Variants in ZFX observed in about 807,000 individuals in gnomAD.
ZFX encodes the protein zinc finger protein X-linked.
For missense variants in ZFX, 362 were observed against 628.3 expected, an observed-to-expected ratio of 0.58 and a Z score of 4.53; for synonymous variants, 196 against 226.8, an observed-to-expected ratio of 0.86 and a Z score of 1.22.
At chrX:24,204,095 T>C (rs965769484) in intron 5 of ZFX, among the ~76,000 whole-genome samples, 1 of 112,451 alleles carries the variant, frequency 8.9e-6, no homozygotes, top group Non-Finnish European at 1.9e-5. Context: ...ATATCAAAAA[T>C]AGACCAAAAC....
At chrX:24,173,546 G>T (rs1601853862) in intron 4 of ZFX, 9 of 1,119,175 alleles carry the variant, frequency 8.0e-6, no homozygotes, top group African/African-American at 7.4e-5. Flanking sequence ...ATTACCCATG[G>T]TTATAATTAT....
chrX:24,149,296 G>C (rs1931662432), upstream of ZFX: 1 of 109,783 alleles, frequency 9.1e-6, no homozygotes, highest in Admixed American at 9.5e-5. Flanking sequence ...CGCGGCCCAC[G>C]GGACATGGTG....
chrX:24,215,615 C>G lies in ZFX; in HGVS notation c.*4239C>G, dbSNP rs759923611. 8.9e-6 allele frequency: 1 copy of G among 111,737 alleles called. No individual in the cohort carries two copies. The highest frequency in any genetic ancestry group is 1.9e-5 in the Non-Finnish European group (1 of 53,160). 9.2% of individuals were successfully genotyped at this position (111,737 alleles called of 1,213,427 possible). A position where few individuals can be genotyped will look rare whatever the true frequency, so the allele number is the denominator to read the frequency against. ...GTGGTAGATAAGAAAGAAATTATCA[C>G]AAAAAATCAGAAATGAACAGTGAGA... On this transcript the variant is annotated 3_prime_UTR_variant, in exon 10 of 10. Transcript: ENST00000304543.
At chrX:24,192,192 T>G (rs963072867) in intron 5 of ZFX, among the ~76,000 whole-genome samples, 5 of 112,014 alleles carry the variant, frequency 4.5e-5, no homozygotes, top group Non-Finnish European at 7.5e-5. Flanking sequence ...GAACCTAATT[T>G]TATCTTAGCA....
At chrX:24,201,356 T>C (rs1265352545) in intron 5 of ZFX, among the ~76,000 whole-genome samples, 1 of 112,845 alleles carries the variant, frequency 8.9e-6, no homozygotes, top group Non-Finnish European at 1.9e-5. Flanking sequence ...GGGCTTTTAC[T>C]CCAAGTTACA....
At chrX:24,182,395 G>T (rs1935758381) in intron 5 of ZFX, among the ~76,000 whole-genome samples, 1 of 111,684 alleles carries the variant, frequency 9.0e-6, no homozygotes, top group South Asian at 3.7e-4. Context: ...TATTTAAGAA[G>T]TAGGCAGAAA....
chrX:24,190,003 A>G (rs771241393), intron 5 of ZFX, among the ~76,000 whole-genome samples: 3 of 112,475 alleles, frequency 2.7e-5, no homozygotes, highest in African/African-American at 6.4e-5. Flanking sequence ...GAAATGTGAG[A>G]AAAGTGTTAT....
At chrX:24,209,520 A>G (rs1255350306) in intron 9 of ZFX, among the ~76,000 whole-genome samples, 7 of 112,320 alleles carry the variant, frequency 6.2e-5, no homozygotes, top group Non-Finnish European at 1.3e-4. Flanking sequence ...TGGAATAAAC[A>G]GTGGAAATTT....
At chrX:24,172,885 A>T in intron 4 of ZFX, 85 bp downstream of exon 4, 2 of 946,757 alleles carry the variant, frequency 2.1e-6, no homozygotes, top group Non-Finnish European at 2.9e-6. Context: ...TCTCACATTG[A>T]TCATTCACAG....
rs1476441151 is a variant in ZFX, at chrX:24,215,936, C to G, written c.*4560C>G. The G allele has an allele frequency of 1.8e-5, 2 of 111,106 alleles. No individual in the cohort carries two copies. Among genetic ancestry groups the G allele is most frequent in the South Asian group, 3.8e-4 (1 of 2,646 alleles). 9.2% of individuals were successfully genotyped at this position (111,106 alleles called of 1,213,427 possible). A position where few individuals can be genotyped will look rare whatever the true frequency, so the allele number is the denominator to read the frequency against. ...CATTCTGTAACTGTTTAGCTAAGGT[C>G]AAATTAAGTTTACCCTATGGATTTT... On this transcript the variant is annotated 3_prime_UTR_variant, in exon 10 of 10. Transcript: ENST00000304543.
intron 5 of ZFX, among the ~76,000 whole-genome samples, chrX:24,196,750 A>G (rs1481785993): frequency 1.8e-5 from 2 of 111,021 alleles, no homozygotes; most frequent in Admixed American, 9.6e-5. Context: ...GGCATGTGCT[A>G]CCACACCCAG....
intron 3 of ZFX, among the ~76,000 whole-genome samples, chrX:24,164,605 G>A (rs970476621): frequency 3.6e-5 from 4 of 111,472 alleles, no homozygotes; most frequent in Non-Finnish European, 1.9e-5. Context: ...AAGGGAGTTG[G>A]CAAGACAATT....
In ZFX at chrX:24,212,268, GTATTGCT is replaced by G. The variant is rs1167882940; in HGVS notation, c.*897_*903del. 9.0e-6 allele frequency: 1 copy of G among 111,340 alleles called. No homozygotes were observed. The highest frequency in any genetic ancestry group is 1.9e-5 in the Non-Finnish European group (1 of 53,067). The allele number at this position is 111,340 out of a possible 1,213,427, so 9.2% of individuals were successfully genotyped here. Reference sequence around the variant, plus strand: ...ACACATATATATCATGTACCTGTGTGTATTGCTTATTTTACATATTTATACACACAAC... The same window carrying G: ...ACACATATATATCATGTACCTGTGTGTATTTTACATATTTATACACACAAC... On this transcript the variant is annotated 3_prime_UTR_variant, in exon 10 of 10. Coordinates refer to ENST00000304543, the MANE Select transcript of ZFX (RefSeq NM_003410.4).
chrX:24,193,126 A>G (rs908811423), intron 5 of ZFX, among the ~76,000 whole-genome samples: 10 of 111,742 alleles, frequency 8.9e-5, no homozygotes, highest in Admixed American at 2.9e-4. Context: ...ATGTTCACAC[A>G]AAAACTTCTG....
At chrX:24,177,020 C>T (rs1242344944) in intron 4 of ZFX, among the ~76,000 whole-genome samples, 1 of 111,570 alleles carries the variant, frequency 9.0e-6, no homozygotes, top group African/African-American at 3.3e-5. Flanking sequence ...GCAACCTCTG[C>T]CTCTTGGGTT....
chrX:24,163,220 GGTGTGTGT>G (rs57212971), intron 3 of ZFX, among the ~76,000 whole-genome samples: 3 of 86,427 alleles, frequency 3.5e-5, no homozygotes, highest in South Asian at 1.3e-3. Context: ...CAAGGTCTGT[GGTGTGTGT>G]GTGTGTGTGT....
intron 4 of ZFX, among the ~76,000 whole-genome samples, chrX:24,175,691 G>A (rs916057893): frequency 1.8e-5 from 2 of 111,274 alleles, no homozygotes; most frequent in Non-Finnish European, 3.8e-5. Flanking sequence ...TGATTCTCCT[G>A]TCTCAGCCTC....
chrX:24,163,922 T>C (rs915937943), intron 3 of ZFX, among the ~76,000 whole-genome samples: 7 of 108,396 alleles, frequency 6.5e-5, no homozygotes, highest in Non-Finnish European at 9.6e-5. Context: ...TCCGTCACTG[T>C]GCTAGTGTAG....
chrX:24,190,357 G>A (rs1936448519), intron 5 of ZFX, among the ~76,000 whole-genome samples: 1 of 111,906 alleles, frequency 8.9e-6, no homozygotes, highest in African/African-American at 3.2e-5. Flanking sequence ...ATCTAAAATT[G>A]TATCTTTACT....
Sources: gnomAD v4.1 joint callset for allele counts (sites outside exome capture counted in the v4.1 genomes callset) on GRCh38, gnomAD v4.1.1 for gene constraint, MANE v1.5 for transcripts, NCBI Gene and HGNC (gene_info 2026-07-23, HGNC 2026-07-21) for gene names.